PDE1A: variants seen among roughly 807,000 people sequenced by gnomAD.
PDE1A encodes dual specificity calcium/calmodulin-dependent 3',5'-cyclic nucleotide phosphodiesterase 1A.
In PDE1A, 35 loss-of-function variants were observed where a neutral mutation model predicts 61.7. The ratio of observed to expected loss-of-function variants is 0.57; its 90% CI spans 0.43 to 0.75. The LOEUF is 0.75. PDE1A is among the 30% of genes least tolerant of loss of function. The pLI is 0.00. For synonymous variants in PDE1A, 232 were observed against 213.2 expected, an observed-to-expected ratio of 1.09 and a Z score of -0.77; for missense variants, 597 against 630.6, an observed-to-expected ratio of 0.95 and a Z score of 0.57.
chr2:182,428,965 T>C (rs1374275069), upstream of PDE1A, among the ~76,000 whole-genome samples: 11 of 152,070 alleles, frequency 7.2e-5, no homozygotes, highest in Admixed American at 2.0e-4. Flanking sequence ...AAGTATGAAA[T>C]ATAGCTTGAA....
At chr2:182,165,010 A>G (rs917858320), downstream of PDE1A, among the ~76,000 whole-genome samples, 8 of 151,842 alleles carry the variant, frequency 5.3e-5, no homozygotes, top group Admixed American at 5.2e-4. Flanking sequence ...TGGTCTTAGC[A>G]TGTTTCCCAT....
At chr2:182,274,926 G>A (rs926424524) in intron 1 of PDE1A, among the ~76,000 whole-genome samples, 1 of 151,864 alleles carries the variant, frequency 6.6e-6, no homozygotes, top group Non-Finnish European at 1.5e-5. Flanking sequence ...CATCATCACT[G>A]GTATAAACTT....
intron 4 of PDE1A, among the ~76,000 whole-genome samples, chr2:182,233,562 A>G (rs1454841789): frequency 1.3e-5 from 2 of 152,230 alleles, no homozygotes; most frequent in Non-Finnish European, 2.9e-5. Flanking sequence ...CACAAATTTA[A>G]AATTAAAAAG....
chr2:182,673,145 A>G, the PDE1A span, among the ~76,000 whole-genome samples: 1 of 152,338 alleles, frequency 6.6e-6, no homozygotes, highest in South Asian at 2.1e-4. Context: ...ATGCCATTAT[A>G]TCATTAGCCA....
At chr2:182,444,903 T>A (rs555602359) in intron 2 of PDE1A, among the ~76,000 whole-genome samples, 5 of 152,120 alleles carry the variant, frequency 3.3e-5, no homozygotes, top group African/African-American at 1.2e-4. Context: ...GTGGAAAAGA[T>A]AGCTAATCCT....
At chr2:182,197,659 C>T (rs1382879490) in intron 10 of PDE1A, among the ~76,000 whole-genome samples, 1 of 151,782 alleles carries the variant, frequency 6.6e-6, no homozygotes, top group Non-Finnish European at 1.5e-5. Flanking sequence ...AAAGACTTTC[C>T]TTTCCCCATG....
the PDE1A span, among the ~76,000 whole-genome samples, chr2:182,589,461 G>A: frequency 1.3e-5 from 2 of 151,978 alleles, no homozygotes; most frequent in Non-Finnish European, 2.9e-5. Flanking sequence ...CTTAAAGAAA[G>A]ATGTCCATTA....
intron 2 of PDE1A, among the ~76,000 whole-genome samples, chr2:182,508,882 C>T (rs1010885526): frequency 6.7e-5 from 10 of 150,158 alleles, no homozygotes; most frequent in African/African-American, 2.2e-4. Context: ...CATACGTATA[C>T]ATGTGCCATG....
the PDE1A span, among the ~76,000 whole-genome samples, chr2:182,689,244 C>T: frequency 1.4e-4 from 21 of 152,182 alleles, no homozygotes; most frequent in Admixed American, 3.3e-4. Context: ...AGGACCACAC[C>T]GCACTTATTC....
chr2:182,213,264 T>A (rs1351139682), intron 7 of PDE1A, among the ~76,000 whole-genome samples: 1 of 142,746 alleles, frequency 7.0e-6, no homozygotes, highest in Admixed American at 7.1e-5. Flanking sequence ...AAAACCCATC[T>A]GTACATCACC....
rs765481442 is a variant in PDE1A, at chr2:182,234,508, A to T, written c.351-10T>A. 6.5e-7 allele frequency: 1 copy of T among 1,549,432 alleles called. No individual in the cohort carries two copies. The highest frequency in any genetic ancestry group is 8.9e-7 in the Non-Finnish European group (1 of 1,127,728). ...TGTTTTTCGGTACATTCTAAAAAAGACAAAAATAAGTGTAAATATAAAATT... is the reference window on the plus strand; with the variant it reads ...TGTTTTTCGGTACATTCTAAAAAAGTCAAAAATAAGTGTAAATATAAAATT... On this transcript the variant is annotated splice_polypyrimidine_tract_variant and intron_variant, in intron 3 of 13. Coordinates refer to ENST00000351439, the Ensembl canonical transcript of PDE1A.
At chr2:182,389,816 G>A (rs999154706) in intron 1 of PDE1A, among the ~76,000 whole-genome samples, 1 of 152,200 alleles carries the variant, frequency 6.6e-6, no homozygotes, top group Non-Finnish European at 1.5e-5. Flanking sequence ...GACAGAATAA[G>A]GCAGGCAAAA....
intron 2 of PDE1A, among the ~76,000 whole-genome samples, chr2:182,449,469 C>A (rs1685370880): frequency 6.6e-6 from 1 of 151,812 alleles, no homozygotes; most frequent in Admixed American, 6.6e-5. Flanking sequence ...AGAATAACCT[C>A]CCTCACCTCA....
At chr2:182,622,664 C>T in the PDE1A span, among the ~76,000 whole-genome samples, 1 of 152,108 alleles carries the variant, frequency 6.6e-6, no homozygotes, top group African/African-American at 2.4e-5. Context: ...GCCGATTATC[C>T]ACTCCCAGGT....
At chr2:182,687,110 G>A in the PDE1A span, among the ~76,000 whole-genome samples, 1 of 152,254 alleles carries the variant, frequency 6.6e-6, no homozygotes, top group Non-Finnish European at 1.5e-5. Context: ...TCTGAGGGCA[G>A]GGCATAGCTG....
chr2:182,201,092 T>C (rs766924667), intron 10 of PDE1A, among the ~76,000 whole-genome samples: 1 of 152,190 alleles, frequency 6.6e-6, no homozygotes, highest in East Asian at 1.9e-4. Flanking sequence ...TATGCAGAAC[T>C]GTTATATATC....
upstream of PDE1A, chr2:182,522,823 A>C (rs1690650598): frequency 5.0e-6 from 1 of 200,602 alleles, no homozygotes; most frequent in East Asian, 1.8e-4. Context: ...CTCTACCAAC[A>C]GAACAAGGGC....
chr2:182,196,670 T>C (rs539989976), intron 10 of PDE1A, among the ~76,000 whole-genome samples: 2 of 151,730 alleles, frequency 1.3e-5, no homozygotes, highest in African/African-American at 2.4e-5. Context: ...TCTATCACCA[T>C]ATATTAATTT....
the PDE1A span, among the ~76,000 whole-genome samples, chr2:182,697,724 A>C: frequency 6.6e-6 from 1 of 152,134 alleles, no homozygotes; most frequent in Non-Finnish European, 1.5e-5. Flanking sequence ...TAGGCAGATC[A>C]GTGACACTTG....
Sources: allele counts gnomAD v4.1 joint callset (sites outside exome capture counted in the v4.1 genomes callset), GRCh38; gene constraint gnomAD v4.1.1; transcripts MANE v1.5; gene names NCBI Gene and HGNC (gene_info 2026-07-23, HGNC 2026-07-21).